Variants in PALS2 observed in about 807,000 individuals in gnomAD.
PALS2 encodes protein PALS2.
PALS2 carries 27 observed loss-of-function variants against 61.6 expected under a neutral mutation model. The observed-to-expected ratio is 0.44, with a 90% CI of 0.32 to 0.60. The LOEUF is 0.60. Among genes scored for constraint, PALS2 ranks in the 20% least tolerant of loss-of-function variants. The pLI is 0.05. For missense variants in PALS2, 554 were observed against 639.4 expected (o/e 0.87, Z 1.44); for synonymous variants, 236 against 218.6 (o/e 1.08, Z -0.70).
rs112593666 is a variant in PALS2 at position 24,673,631 on chromosome 7, A to G, written c.1114+4971A>G. Among the ~76,000 whole-genome samples the G allele has an allele frequency of 7.7e-3, 1,165 of 152,122 alleles. 9 individuals carry two copies. The highest frequency in any genetic ancestry group is 0.026 in the African/African-American group (1,087 of 41,536). ...CAGTTTCAGGATTTCTGCAGGGTTC[A>G]TAGTAATGTTTTTTCTTTCATTTCT... On this transcript the variant is annotated intron_variant, in intron 9 of 11. Transcript: ENST00000222644.
chr7:24,584,704 T>A (rs968462030), intron 1 of PALS2, among the ~76,000 whole-genome samples: 7 of 152,102 alleles, frequency 4.6e-5, no homozygotes, highest in African/African-American at 1.5e-4. Context: ...TTGTTGCCAT[T>A]GCTTTTGGTG....
intron 5 of PALS2, among the ~76,000 whole-genome samples, chr7:24,655,143 T>C (rs143642535): frequency 3.9e-4 from 59 of 152,302 alleles, no homozygotes; most frequent in African/African-American, 1.4e-3. Flanking sequence ...GCAGTGTGTA[T>C]TGGTATAAAC....
At position 24,618,475 on chromosome 7, in the gene PALS2, G is replaced by A. The variant is rs1784372971; in HGVS notation, c.-2-5191G>A. On this transcript the variant is annotated intron_variant, in intron 1 of 11. Coordinates refer to ENST00000222644, the MANE Select transcript of PALS2 (RefSeq NM_001303037.2). The surrounding 1 kb of genome is among the most constrained non-coding windows in gnomAD (Gnocchi z 5.1). ...TGGTTCTGGTCTCAAGGTGATCGGT[G>A]ACATGCTGCAGCAGCTTGGCTCACA... Among the ~76,000 whole-genome samples the A allele has an allele frequency of 6.6e-6, 1 of 152,214 alleles. No individual in the cohort carries two copies. Among genetic ancestry groups the A allele is most frequent in the Admixed American group, 6.5e-5 (1 of 15,274 alleles).
chr7:24,587,576 G>T (rs1469264450), intron 1 of PALS2, among the ~76,000 whole-genome samples: 3 of 147,180 alleles, frequency 2.0e-5, no homozygotes, highest in Non-Finnish European at 4.5e-5. Flanking sequence ...AGGTCTCACT[G>T]TGTTGCCCAG....
intron 1 of PALS2, among the ~76,000 whole-genome samples, chr7:24,595,790 G>A (rs904517932): frequency 1.3e-5 from 2 of 151,106 alleles, no homozygotes; most frequent in Non-Finnish European, 2.9e-5. Flanking sequence ...TTGAATGCTT[G>A]GGTTTACTTT....
chr7:24,627,792 C>A (rs1484600706), intron 2 of PALS2, among the ~76,000 whole-genome samples: 1 of 152,076 alleles, frequency 6.6e-6, no homozygotes, highest in Non-Finnish European at 1.5e-5. Context: ...AATTCGTGGA[C>A]ACATAACACC....
intron 3 of PALS2, among the ~76,000 whole-genome samples, chr7:24,644,332 C>T (rs1785721585): frequency 6.6e-6 from 1 of 152,000 alleles, no homozygotes; most frequent in African/African-American, 2.4e-5. Context: ...CCATTTAGCT[C>T]CCACTTACAA....
chr7:24,582,332 A>C (rs1184417272), intron 1 of PALS2, among the ~76,000 whole-genome samples: 1 of 152,212 alleles, frequency 6.6e-6, no homozygotes, highest in East Asian at 1.9e-4. Context: ...TGGGAATACT[A>C]ATTCTAGTCG....
At chr7:24,677,279 A>G (rs1041579043) in intron 9 of PALS2, among the ~76,000 whole-genome samples, 13 of 152,178 alleles carry the variant, frequency 8.5e-5, no homozygotes, top group African/African-American at 2.9e-4. Context: ...GGGCTGAGAC[A>G]ATGGGGTTTT....
intron 1 of PALS2, among the ~76,000 whole-genome samples, chr7:24,574,813 G>T (rs752638822): frequency 6.6e-6 from 1 of 152,126 alleles, no homozygotes; most frequent in Non-Finnish European, 1.5e-5. Flanking sequence ...ACTTATGTTG[G>T]TCGAATATAC....
At chr7:24,599,373 T>C (rs1416436030) in intron 1 of PALS2, among the ~76,000 whole-genome samples, 1 of 152,172 alleles carries the variant, frequency 6.6e-6, no homozygotes, top group African/African-American at 2.4e-5. Context: ...TCTTCAGTAT[T>C]AAATTAACCT....
At position 24,591,373 on chromosome 7, in the gene PALS2, G is replaced by A. The variant is rs987915741; in HGVS notation, c.-3+17780G>A. Among the ~76,000 whole-genome samples, 19 of 152,224 alleles carry A rather than the reference G, an allele frequency of 1.2e-4. No homozygotes were observed. The South Asian group carries it at 3.9e-3, about 31-fold the overall frequency. On this transcript the variant is annotated intron_variant, in intron 1 of 11. Transcript: ENST00000222644. ...GAGCAAGGCCTCACTGAGATAGGGG[G>A]CAGTGTGTAGCTTGACATACGTGGG...
At chr7:24,652,118 G>T (rs1030239151) in intron 5 of PALS2, among the ~76,000 whole-genome samples, 3 of 152,154 alleles carry the variant, frequency 2.0e-5, no homozygotes, top group African/African-American at 7.2e-5. Context: ...ATTTGTGACA[G>T]CCTGAGGCCT....
At chr7:24,619,773 T>C (rs1784426610) in intron 1 of PALS2, among the ~76,000 whole-genome samples, 1 of 151,636 alleles carries the variant, frequency 6.6e-6, no homozygotes, top group East Asian at 1.9e-4. Flanking sequence ...TTATTGAATC[T>C]AGGGTCTGAT....
At chr7:24,592,329 T>C (rs373122948) in intron 1 of PALS2, among the ~76,000 whole-genome samples, 1 of 152,056 alleles carries the variant, frequency 6.6e-6, no homozygotes, top group African/African-American at 2.4e-5. Context: ...TACAGCAGTA[T>C]GAAGCAATGA....
chr7:24,651,257 C>G (rs1212658235), intron 5 of PALS2, among the ~76,000 whole-genome samples: 1 of 151,986 alleles, frequency 6.6e-6, no homozygotes, highest in African/African-American at 2.4e-5. Flanking sequence ...TGTCTAGACT[C>G]GGTATGTTAA....
chr7:24,687,425 A>G lies in PALS2; in HGVS notation c.1447-13A>G. ...TTGTAATACAAACATTTCCTTTTAA[A>G]ACTCTTCAACAGGACTCTGACTTGA... On this transcript the variant is annotated splice_polypyrimidine_tract_variant and intron_variant, in intron 11 of 11. Transcript: ENST00000222644. The surrounding 1 kb of genome is among the most constrained non-coding windows in gnomAD (Gnocchi z 4.5). 1 of 1,601,772 alleles carries G rather than the reference A, an allele frequency of 6.2e-7. No homozygotes were observed. Among genetic ancestry groups the G allele is most frequent in the Non-Finnish European group, 8.5e-7 (1 of 1,175,788 alleles).
At chr7:24,624,726 C>T (rs896147433) in intron 2 of PALS2, among the ~76,000 whole-genome samples, 5 of 150,648 alleles carry the variant, frequency 3.3e-5, no homozygotes, top group African/African-American at 1.2e-4. Flanking sequence ...CCTGCCTCAG[C>T]CTCCCGAGTA....
intron 1 of PALS2, among the ~76,000 whole-genome samples, chr7:24,577,641 T>A (rs1235945899): frequency 3.9e-5 from 6 of 152,152 alleles, no homozygotes; most frequent in Admixed American, 3.9e-4. Flanking sequence ...CATGGCTTGC[T>A]CCTAACTTAG....
Sources: gnomAD v4.1 joint callset for allele counts (sites outside exome capture counted in the v4.1 genomes callset) on GRCh38, gnomAD v4.1.1 for gene constraint, Gnocchi (gnomAD v3.1) non-coding constraint, MANE v1.5 for transcripts, NCBI Gene and HGNC (gene_info 2026-07-23, HGNC 2026-07-21) for gene names.